The following OTUD7A variants were observed in gnomAD, a reference collection of about 807,000 sequenced individuals.
OTUD7A encodes OTU deubiquitinase 7A.
OTUD7A carries 12 observed loss-of-function variants against 65.7 expected under a neutral mutation model. That is an observed-to-expected ratio of 0.18 (90% CI 0.12 to 0.30). The LOEUF (loss-of-function observed/expected upper bound fraction) is 0.30. Ranked by LOEUF, OTUD7A falls within the 10% of genes least tolerant of loss-of-function variation. The probability of loss-of-function intolerance (pLI) is 1.00; values close to 1 mark genes in which losing one functional copy is unlikely to be tolerated. For synonymous variants in OTUD7A, 641 were observed against 586.3 expected, an observed-to-expected ratio of 1.09 and a Z score of -1.35; for missense variants, 1,148 against 1,304.8, an observed-to-expected ratio of 0.88 and a Z score of 1.85.
At chr15:31,812,059 C>A (rs1419317675) in intron 1 of OTUD7A, among the ~76,000 whole-genome samples, 2 of 152,196 alleles carry the variant, frequency 1.3e-5, no homozygotes, top group Admixed American at 6.5e-5. Context: ...CAGAGCAAGG[C>A]CTTCTGCACT....
At chr15:31,688,758 T>C (rs2141315450) in intron 1 of OTUD7A, among the ~76,000 whole-genome samples, 1 of 151,904 alleles carries the variant, frequency 6.6e-6, no homozygotes, top group South Asian at 2.1e-4. Flanking sequence ...CACAAACACA[T>C]ATTTACCACC....
intron 1 of OTUD7A, among the ~76,000 whole-genome samples, chr15:31,744,571 C>A (rs185688863): frequency 8.7e-4 from 132 of 152,170 alleles, no homozygotes; most frequent in Non-Finnish European, 1.7e-3. Flanking sequence ...CAATACAGGG[C>A]ATTTTTAAAA....
At chr15:31,727,781 T>G (rs1165636362) in intron 1 of OTUD7A, among the ~76,000 whole-genome samples, 1 of 152,210 alleles carries the variant, frequency 6.6e-6, no homozygotes, top group Non-Finnish European at 1.5e-5. Flanking sequence ...TTGAACATTC[T>G]CCTCTGTTGC....
At chr15:31,804,445 T>A (rs1896216163) in intron 1 of OTUD7A, among the ~76,000 whole-genome samples, 1 of 152,148 alleles carries the variant, frequency 6.6e-6, no homozygotes, top group Admixed American at 6.5e-5. Context: ...TCCCTCCTCC[T>A]TTCTGGACCA....
chr15:31,717,174 G>T (rs561509430), intron 1 of OTUD7A, among the ~76,000 whole-genome samples: 4 of 152,070 alleles, frequency 2.6e-5, no homozygotes, highest in African/African-American at 9.7e-5. Context: ...ATTGCATTTC[G>T]TTTTCATGTT....
chr15:31,840,357 G>C (rs1403959422), intron 1 of OTUD7A, among the ~76,000 whole-genome samples: 1 of 152,136 alleles, frequency 6.6e-6, no homozygotes, highest in African/African-American at 2.4e-5. Flanking sequence ...AGAATCATTT[G>C]AACCCGGGAG....
intron 3 of OTUD7A, among the ~76,000 whole-genome samples, chr15:31,633,880 T>A (rs1384199245): frequency 6.6e-6 from 1 of 152,204 alleles, no homozygotes. Context: ...TCCAGCGTGC[T>A]GCCCTCTTCT....
Position 31,527,225 on chromosome 15 carries a change from G to A in OTUD7A, c.736C>T (p.Leu246=). 1 of 1,614,186 alleles carries A rather than the reference G, an allele frequency of 6.2e-7. No homozygotes were observed. ...TGCTGCCACCTCCACCTCCGCTTCA[G>A]GGCTTCCCTCTCAGCTCCCGTCCTC... is the stretch of plus-strand genomic sequence containing the variant. The part of the protein sequence containing the change: ...MMRTGAEREA[L]KRRWRWQQTQ... Residue 246 remains leucine, a synonymous_variant, in exon 7 of 13, where the codon CTG becomes TTG. Transcript: ENST00000307050.
intron 1 of OTUD7A, among the ~76,000 whole-genome samples, chr15:31,700,651 C>T (rs2141327606): frequency 6.6e-6 from 1 of 151,976 alleles, no homozygotes; most frequent in Middle Eastern, 3.4e-3. Flanking sequence ...CCTTTTTCTG[C>T]TTTCCTTGTC....
At position 31,503,797 on chromosome 15, in the gene OTUD7A, G is replaced by A. The variant is rs750997646; in HGVS notation, c.915C>T (p.Pro305=). ...GGAACTCTTCCAGGCTCTCGTACAC[G>A]GGGTCCTCAGAGTTGTCCACACTGT... ...TGGGVDNSED[P]VYESLEEFHV... is the part of the protein sequence containing the mutation. Residue 305 remains proline, a synonymous_variant, in exon 9 of 13, where the codon CCC becomes CCT. Coordinates refer to ENST00000307050, the MANE Select transcript of OTUD7A (RefSeq NM_001382637.1). The A allele has an allele frequency of 3.1e-6, 5 of 1,614,036 alleles. No homozygotes were observed. In the African/African-American group the frequency reaches 5.3e-5, roughly 17 times the overall value.
chr15:31,814,168 T>C (rs1038682071), intron 1 of OTUD7A, among the ~76,000 whole-genome samples: 3 of 152,234 alleles, frequency 2.0e-5, no homozygotes, highest in African/African-American at 7.2e-5. Flanking sequence ...ACAAACCCTC[T>C]TTCTGGGTTT....
chr15:31,735,223 T>C (rs2141366107), intron 1 of OTUD7A, among the ~76,000 whole-genome samples: 1 of 152,242 alleles, frequency 6.6e-6, no homozygotes, highest in South Asian at 2.1e-4. Context: ...GAATGGCTTT[T>C]ATTAAAAAGT....
chr15:31,616,659 C>T (rs1890596477), intron 3 of OTUD7A, among the ~76,000 whole-genome samples: 1 of 152,178 alleles, frequency 6.6e-6, no homozygotes, highest in African/African-American at 2.4e-5. Context: ...ATTCTCCTGC[C>T]TCAGCCTCCC....
At position 31,501,814 on chromosome 15, in the gene OTUD7A, C is replaced by A; in HGVS notation, c.1047G>T (p.Gly349=). The A allele has an allele frequency of 6.2e-7, 1 of 1,613,690 alleles. No homozygotes were observed. Among genetic ancestry groups the A allele is most frequent in the Non-Finnish European group, 8.5e-7 (1 of 1,179,724 alleles). Residue 349 remains glycine (G), a synonymous_variant, in exon 10 of 13, where the codon GGG becomes GGT. Coordinates refer to ENST00000307050, the MANE Select transcript of OTUD7A (RefSeq NM_001382637.1). ...GAGGGACCTCCAAGGGCAGGTAGAT[C>A]CCTCCGAATGGGATGGGTGCGAACG... The part of the protein sequence containing the change: ...GEAFAPIPFG[G]IYLPLEVPPN...
intron 3 of OTUD7A, among the ~76,000 whole-genome samples, chr15:31,639,490 G>A (rs1406558768): frequency 6.7e-6 from 1 of 148,532 alleles, no homozygotes; most frequent in African/African-American, 2.6e-5. Flanking sequence ...TACAAGCTTT[G>A]CTATGGGCAA....
intron 1 of OTUD7A, among the ~76,000 whole-genome samples, chr15:31,755,003 C>CAG (rs141398720): frequency 2.0e-4 from 30 of 147,422 alleles, no homozygotes; most frequent in East Asian, 4.0e-4. Context: ...GTGAGAGAGA[C>CAG]AGAGAGAGAG....
chr15:31,714,283 T>C (rs1280191541), intron 1 of OTUD7A, among the ~76,000 whole-genome samples: 2 of 152,112 alleles, frequency 1.3e-5, no homozygotes, highest in East Asian at 1.9e-4. Context: ...CACGGACAAA[T>C]AGTACATGAA....
intron 3 of OTUD7A, among the ~76,000 whole-genome samples, chr15:31,637,565 A>G (rs1436953957): frequency 1.3e-5 from 2 of 152,260 alleles, no homozygotes; most frequent in Admixed American, 6.5e-5. Context: ...CTTAAGAAAT[A>G]CATTTTATAA....
At chr15:31,540,084 T>A (rs1219671801) in intron 5 of OTUD7A, among the ~76,000 whole-genome samples, 1 of 152,230 alleles carries the variant, frequency 6.6e-6, no homozygotes, top group Non-Finnish European at 1.5e-5. Context: ...ATTTTTCCGC[T>A]GTTTCAATAG....
Sources: allele counts gnomAD v4.1 joint callset (sites outside exome capture counted in the v4.1 genomes callset), GRCh38; gene constraint gnomAD v4.1.1; transcripts MANE v1.5; gene names NCBI Gene and HGNC (gene_info 2026-07-23, HGNC 2026-07-21).